Variants in SH3RF3 observed in about 807,000 individuals in gnomAD.
SH3RF3 encodes the protein E3 ubiquitin-protein ligase SH3RF3.
SH3RF3 carries 29 observed loss-of-function variants against 66.3 expected under a neutral mutation model. The ratio of observed to expected loss-of-function variants is 0.44; its 90% CI spans 0.33 to 0.60. SH3RF3 has a LOEUF of 0.60. Among genes scored for constraint, SH3RF3 ranks in the 20% least tolerant of loss-of-function variants. The pLI is 0.04. For synonymous variants in SH3RF3, 583 were observed against 532.0 expected, an observed-to-expected ratio of 1.10 and a Z score of -1.32; for missense variants, 1,194 against 1,190.9, an observed-to-expected ratio of 1.00 and a Z score of -0.04.
chr2:109,180,093 C>T lies in SH3RF3; in HGVS notation c.573+49980C>T, dbSNP rs576321006. On this transcript the variant is annotated intron_variant, in intron 1 of 9. Coordinates refer to ENST00000309415, the MANE Select transcript of SH3RF3 (RefSeq NM_001099289.3). ...AGGCACAGCTGAACAAATGGGCCTC[C>T]ATGGGGTTAGGAACCACAGGAGAAG... Among the ~76,000 whole-genome samples the T allele has an allele frequency of 1.1e-4, 16 of 151,894 alleles. No individual in the cohort carries two copies. In the South Asian group the frequency reaches 1.5e-3, roughly 14 times the overall value.
chr2:109,402,555 G>A (rs527272829), intron 4 of SH3RF3, among the ~76,000 whole-genome samples: 8 of 152,316 alleles, frequency 5.3e-5, no homozygotes, highest in Admixed American at 5.2e-4. Context: ...CTACAGCATG[G>A]GGCAGTGCTG....
intron 8 of SH3RF3, among the ~76,000 whole-genome samples, chr2:109,463,294 C>G (rs1286339006): frequency 6.6e-6 from 1 of 152,242 alleles, no homozygotes; most frequent in African/African-American, 2.4e-5. Context: ...ACTGTGCTGT[C>G]TGTTTTGGTA....
At position 109,386,125 on chromosome 2, in the gene SH3RF3, C is replaced by T. The variant is rs868272362; in HGVS notation, c.946-12465C>T. 2.0e-4 allele frequency among the ~76,000 whole-genome samples: 31 copies of T among 152,322 alleles called. 1 individual carries two copies. Among genetic ancestry groups the T allele is most frequent in the Middle Eastern group, 6.8e-3 (2 of 294 alleles). ...TGGAAGCTAAGGAACGTGCATAGAC[C>T]TTGAAAGAGAGGGTCAAGGCTGCAA... On this transcript the variant is annotated intron_variant, in intron 3 of 9. Transcript: ENST00000309415.
intron 1 of SH3RF3, among the ~76,000 whole-genome samples, chr2:109,317,355 C>G (rs1681910574): frequency 6.6e-6 from 1 of 152,086 alleles, no homozygotes; most frequent in South Asian, 2.1e-4. Context: ...AGGTGCCGCC[C>G]CAGCCCCAGG....
chr2:109,497,267 C>T (rs1679281297), intron 9 of SH3RF3, among the ~76,000 whole-genome samples: 1 of 152,214 alleles, frequency 6.6e-6, no homozygotes, highest in Non-Finnish European at 1.5e-5. Flanking sequence ...GTTACCAGCA[C>T]ATTCCATGGA....
At chr2:109,335,943 T>C (rs559112471) in intron 1 of SH3RF3, among the ~76,000 whole-genome samples, 96 of 152,290 alleles carry the variant, frequency 6.3e-4, no homozygotes, top group Middle Eastern at 3.4e-3. Flanking sequence ...ACTTGGGGGC[T>C]GGGAGTGGGA....
At chr2:109,317,041 C>T (rs1423964479) in intron 1 of SH3RF3, among the ~76,000 whole-genome samples, 1 of 152,062 alleles carries the variant, frequency 6.6e-6, no homozygotes, top group Non-Finnish European at 1.5e-5. Flanking sequence ...GTTTGTTTAT[C>T]CACTCACCTC....
At chr2:109,348,850 G>A (rs1574589577) in intron 2 of SH3RF3, among the ~76,000 whole-genome samples, 1 of 152,220 alleles carries the variant, frequency 6.6e-6, no homozygotes, top group African/African-American at 2.4e-5. Context: ...AAATGACAGA[G>A]CCAGAATCCT....
intron 1 of SH3RF3, among the ~76,000 whole-genome samples, chr2:109,131,614 G>A (rs942622062): frequency 2.0e-5 from 3 of 152,150 alleles, no homozygotes; most frequent in South Asian, 4.1e-4. Context: ...GAGGTTAGGA[G>A]GTAACCTCTG....
chr2:109,289,366 GT>G (rs1438218725), intron 1 of SH3RF3, among the ~76,000 whole-genome samples: 1 of 152,208 alleles, frequency 6.6e-6, no homozygotes, highest in Non-Finnish European at 1.5e-5. Flanking sequence ...ATTTCAGACA[GT>G]TCCTTGCATC....
intron 1 of SH3RF3, among the ~76,000 whole-genome samples, chr2:109,271,994 A>G (rs556252587): frequency 4.0e-4 from 61 of 152,264 alleles, no homozygotes; most frequent in Admixed American, 1.6e-3. Flanking sequence ...GTCTTTGGGT[A>G]CATCTGGTAT....
Position 109,419,540 on chromosome 2 carries a change from A to G in SH3RF3, c.1301A>G (p.Asp434Gly). The G allele has an allele frequency of 1.3e-6, 2 of 1,592,708 alleles. No individual in the cohort carries two copies. The highest frequency in any genetic ancestry group is 1.1e-5 in the South Asian group (1 of 87,258). Residue 434 changes from aspartate to glycine, a missense_variant and splice_region_variant, in exon 5 of 10, where the codon GAT becomes GGT. By Grantham distance (94) the Asp-to-Gly change is moderately conservative. Transcript: ENST00000309415. Reference protein sequence around the residue: ...AHLSCAAPTQDVSSSAGSTPT... With the variant: ...AHLSCAAPTQGVSSSAGSTPT... ...CTGTCCCCTCTTGTCTGTTTCCAGGATGTCTCCTCCTCGGCGGGATCTACC... is the reference window on the plus strand; with the variant it reads ...CTGTCCCCTCTTGTCTGTTTCCAGGGTGTCTCCTCCTCGGCGGGATCTACC...
Position 109,502,656 on chromosome 2 carries a change from A to T in SH3RF3, c.*985A>T, listed in dbSNP as rs1679420441. 6.6e-6 allele frequency: 1 copy of T among 152,096 alleles called. No homozygotes were observed. Among genetic ancestry groups the T allele is most frequent in the Non-Finnish European group, 1.5e-5 (1 of 68,028 alleles). The allele number at this position is 152,096 out of a possible 1,614,324, so 9.4% of individuals were successfully genotyped here. A position where few individuals can be genotyped will look rare whatever the true frequency, so the allele number is the denominator to read the frequency against. ...TACCAAAACCCCGCGCTCTGTCTAG[A>T]CGGTGATGATTATTATTCAAGACCT... On this transcript the variant is annotated 3_prime_UTR_variant, in exon 10 of 10. Transcript: ENST00000309415.
chr2:109,327,051 A>C (rs1467773104), intron 1 of SH3RF3, among the ~76,000 whole-genome samples: 2 of 152,250 alleles, frequency 1.3e-5, no homozygotes, highest in African/African-American at 4.8e-5. Flanking sequence ...CTTTTGATAA[A>C]TGGAAGGTTT....
chr2:109,298,083 T>C (rs1016246757), intron 1 of SH3RF3, among the ~76,000 whole-genome samples: 1 of 152,250 alleles, frequency 6.6e-6, no homozygotes, highest in Non-Finnish European at 1.5e-5. Flanking sequence ...TGGGGATCTG[T>C]CCCACTCAAA....
At chr2:109,364,112 A>G (rs963150590) in intron 2 of SH3RF3, among the ~76,000 whole-genome samples, 1 of 149,990 alleles carries the variant, frequency 6.7e-6, no homozygotes, top group South Asian at 2.1e-4. Context: ...ATTGCCCCAC[A>G]ATTCTTGCTT....
intron 1 of SH3RF3, among the ~76,000 whole-genome samples, chr2:109,332,552 C>G (rs79182282): frequency 6.6e-6 from 1 of 152,116 alleles, no homozygotes; most frequent in Admixed American, 6.5e-5. Flanking sequence ...CCGAGCTCCC[C>G]GCAGTTCAGC....
intron 1 of SH3RF3, among the ~76,000 whole-genome samples, chr2:109,277,022 G>A (rs528203668): frequency 2.0e-3 from 297 of 152,196 alleles, no homozygotes; most frequent in Admixed American, 3.2e-3. Context: ...GACTTCCCTC[G>A]AGCACCTGTC....
intron 1 of SH3RF3, among the ~76,000 whole-genome samples, chr2:109,261,192 A>C (rs944739264): frequency 1.3e-5 from 2 of 152,080 alleles, no homozygotes; most frequent in South Asian, 2.1e-4. Context: ...AGGTATGGTC[A>C]GGGCCCTTTG....
Sources: allele counts gnomAD v4.1 joint callset (sites outside exome capture counted in the v4.1 genomes callset), GRCh38; gene constraint gnomAD v4.1.1; transcripts MANE v1.5; gene names NCBI Gene and HGNC (gene_info 2026-07-23, HGNC 2026-07-21).